The following IQCM variants were observed in gnomAD, a reference collection of about 807,000 sequenced individuals.
The protein encoded by IQCM is IQ motif containing M.
In IQCM, 45 loss-of-function variants were observed where a neutral mutation model predicts 57.6. That is an observed-to-expected ratio of 0.78 (90% CI 0.62 to 1.00). IQCM has a LOEUF of 1.00. Ranked by LOEUF, IQCM falls within the 50% of genes least tolerant of loss-of-function variation. The pLI, the probability that IQCM is intolerant of heterozygous loss-of-function variation, is 0.00. For missense variants in IQCM, 468 were observed against 511.6 expected, an observed-to-expected ratio of 0.91 and a Z score of 0.82; for synonymous variants, 148 against 158.9, an observed-to-expected ratio of 0.93 and a Z score of 0.51.
chr4:149,448,931 C>A (rs1396010176), intron 12 of IQCM, among the ~76,000 whole-genome samples: 3 of 151,396 alleles, frequency 2.0e-5, no homozygotes, highest in Non-Finnish European at 1.5e-5. Flanking sequence ...TGGAAGACCT[C>A]AAAGATATTT....
chr4:149,682,999 T>C (rs1762292659), intron 6 of IQCM, among the ~76,000 whole-genome samples: 1 of 151,198 alleles, frequency 6.6e-6, no homozygotes, highest in African/African-American at 2.4e-5. Flanking sequence ...TGTTTAAGTG[T>C]ACATAAATGC....
At chr4:149,360,412 G>A (rs761093896) in intron 13 of IQCM, among the ~76,000 whole-genome samples, 1 of 152,108 alleles carries the variant, frequency 6.6e-6, no homozygotes, top group Non-Finnish European at 1.5e-5. Context: ...AGAAACATGA[G>A]CATCTGTGGG....
At chr4:149,673,295 G>A (rs1761465890) in intron 7 of IQCM, among the ~76,000 whole-genome samples, 1 of 152,042 alleles carries the variant, frequency 6.6e-6, no homozygotes, top group East Asian at 1.9e-4. Context: ...ATGTAAATGG[G>A]CTAAATGCTC....
At position 149,433,483 on chromosome 4, in the gene IQCM, C is replaced by T. The variant is rs1488767153; in HGVS notation, c.1303G>A (p.Glu435Lys). 1 of 1,215,098 alleles carries T rather than the reference C, an allele frequency of 8.2e-7. No individual in the cohort carries two copies. The highest frequency in any genetic ancestry group is 1.0e-6 in the Non-Finnish European group (1 of 972,836). 75.3% of individuals were successfully genotyped at this position (1,215,098 alleles called of 1,614,324 possible). A position where few individuals can be genotyped will look rare whatever the true frequency, so the allele number is the denominator to read the frequency against. ...IEMLFTLYPP[E>K]GAHVPDSTLL... ...GTACTGTCAGGCACATGTGCACCTT[C>T]AGGAGGATAGAGTGTAAATAACATT... The change falls in exon 13 of 14, where the codon GAA (glutamate) becomes AAA (lysine). Residue 435 changes from glutamate to lysine, a missense_variant. Glu to Lys is a moderately conservative substitution (Grantham distance 56, BLOSUM62 1). Coordinates refer to ENST00000636793, the MANE Select transcript of IQCM (RefSeq NM_001363507.2).
In IQCM at chr4:149,356,163, A is replaced by T. The variant is rs1560768274; in HGVS notation, c.1391-4097T>A. Among the ~76,000 whole-genome samples the T allele has an allele frequency of 2.0e-5, 3 of 152,014 alleles. No homozygotes were observed. In the East Asian group the frequency reaches 5.8e-4, roughly 29 times the overall value. On this transcript the variant is annotated intron_variant, in intron 13 of 13. Transcript: ENST00000636793. The stretch of plus-strand genomic sequence containing the variant: ...ATATTAGCCGTTTGTCAGATGAGTA[A>T]GTTGCAAAAATTTTCTCCCATTCTG...
intron 7 of IQCM, among the ~76,000 whole-genome samples, chr4:149,654,444 C>T (rs1374662358): frequency 6.6e-6 from 1 of 152,096 alleles, no homozygotes. Flanking sequence ...CATGCCCCCA[C>T]CACTCTCTGT....
intron 5 of IQCM, among the ~76,000 whole-genome samples, chr4:149,713,152 A>G (rs1274413196): frequency 3.3e-5 from 5 of 152,054 alleles, no homozygotes; most frequent in Admixed American, 3.3e-4. Context: ...GAAGCATCCC[A>G]CTTTCCAATC....
intron 2 of IQCM, among the ~76,000 whole-genome samples, chr4:149,788,571 C>T (rs777626958): frequency 9.9e-5 from 15 of 152,046 alleles, no homozygotes; most frequent in Middle Eastern, 3.2e-3. Flanking sequence ...ACAGCCACTA[C>T]GGAAAACAGT....
chr4:149,776,361 A>C (rs1771090934), intron 2 of IQCM, among the ~76,000 whole-genome samples: 1 of 152,198 alleles, frequency 6.6e-6, no homozygotes, highest in African/African-American at 2.4e-5. Context: ...GGCTCAGAGA[A>C]GCTAAAGGAC....
At chr4:149,794,825 T>G (rs1772969832) in intron 2 of IQCM, among the ~76,000 whole-genome samples, 1 of 152,116 alleles carries the variant, frequency 6.6e-6, no homozygotes, top group Non-Finnish European at 1.5e-5. Context: ...CTTTTGTTCT[T>G]TGGTAAATAA....
chr4:149,508,476 G>A (rs1303990797), intron 12 of IQCM, among the ~76,000 whole-genome samples: 2 of 152,186 alleles, frequency 1.3e-5, no homozygotes, highest in Non-Finnish European at 2.9e-5. Context: ...GGCGTCAAAG[G>A]AGATCATTTT....
At chr4:149,705,749 T>C (rs973994784) in intron 5 of IQCM, among the ~76,000 whole-genome samples, 9 of 151,932 alleles carry the variant, frequency 5.9e-5, no homozygotes, top group African/African-American at 1.2e-4. Context: ...GTTTTAAAAA[T>C]ATGCTACTAA....
At chr4:149,477,618 A>T (rs897708382) in intron 12 of IQCM, among the ~76,000 whole-genome samples, 42 of 152,138 alleles carry the variant, frequency 2.8e-4, no homozygotes, top group African/African-American at 1.0e-3. Context: ...TGCAAACAGA[A>T]ATGGAGCAGG....
At chr4:149,795,403 C>T (rs1401702188) in intron 2 of IQCM, among the ~76,000 whole-genome samples, 1 of 152,138 alleles carries the variant, frequency 6.6e-6, no homozygotes, top group Non-Finnish European at 1.5e-5. Flanking sequence ...TAAACCAGCC[C>T]TAGCCAGAGG....
chr4:149,799,370 T>C (rs545435523), intron 2 of IQCM, among the ~76,000 whole-genome samples: 4 of 151,688 alleles, frequency 2.6e-5, no homozygotes, highest in South Asian at 2.1e-4. Flanking sequence ...TTTATAGCTA[T>C]ATGTGCCTGC....
At chr4:149,787,678 A>G (rs916581744) in intron 2 of IQCM, among the ~76,000 whole-genome samples, 4 of 152,208 alleles carry the variant, frequency 2.6e-5, no homozygotes, top group Non-Finnish European at 5.9e-5. Context: ...ACCATATACA[A>G]AAATCAACCG....
chr4:149,753,122 GC>G (rs1561234871), intron 2 of IQCM, among the ~76,000 whole-genome samples: 1 of 151,952 alleles, frequency 6.6e-6, no homozygotes, highest in Non-Finnish European at 1.5e-5. Flanking sequence ...CTCTACATAA[GC>G]CTGAAAATTA....
chr4:149,787,377 G>C (rs545973027), intron 2 of IQCM, among the ~76,000 whole-genome samples: 1 of 151,002 alleles, frequency 6.6e-6, no homozygotes, highest in African/African-American at 2.4e-5. Context: ...AACTTATATA[G>C]AAACAAAAAA....
In IQCM at chr4:149,727,174, T is replaced by G. The variant is rs538412268; in HGVS notation, c.385+6070A>C. The stretch of plus-strand genomic sequence containing the variant: ...CTGGACAATATTATCTATAAATTAA[T>G]GACTCCAACCTTTCCCATGAGTCTG... On this transcript the variant is annotated intron_variant, in intron 5 of 13. Transcript: ENST00000636793. Among the ~76,000 whole-genome samples, 8 of 152,350 alleles carry G rather than the reference T, an allele frequency of 5.3e-5. No homozygotes were observed. In the South Asian group the frequency reaches 1.7e-3, roughly 32 times the overall value.
Sources: gnomAD v4.1 joint callset for allele counts (sites outside exome capture counted in the v4.1 genomes callset) on GRCh38, gnomAD v4.1.1 for gene constraint, MANE v1.5 for transcripts, NCBI Gene and HGNC (gene_info 2026-07-23, HGNC 2026-07-21) for gene names.